PARG: variants seen among roughly 807,000 people sequenced by gnomAD.
PARG encodes the protein mitochondrial poly(ADP-ribose) glycohydrolase.
PARG carries 35 observed loss-of-function variants against 113.0 expected under a neutral mutation model. The observed-to-expected ratio is 0.31, with a 90% CI of 0.24 to 0.41. The LOEUF (loss-of-function observed/expected upper bound fraction) is 0.41, where lower values mean the gene tolerates loss of function less well. Among genes scored for constraint, PARG ranks in the 10% least tolerant of loss-of-function variants. The pLI, the probability that PARG is intolerant of heterozygous loss-of-function variation, is 1.00. For synonymous variants in PARG, 330 were observed against 409.9 expected (o/e 0.81, Z 2.36); for missense variants, 797 against 1,169.4 (o/e 0.68, Z 4.64).
rs1379632694 is a variant in PARG at position 49,915,386 on chromosome 10, A to G, written c.1737+531T>C. 3.9e-5 allele frequency among the ~76,000 whole-genome samples: 6 copies of G among 152,238 alleles called. No individual in the cohort carries two copies. In the East Asian group the frequency reaches 1.2e-3, roughly 29 times the overall value. ...CTCTGCTAATGGTACTATGAAAGTG[A>G]TATTCTTATCCACTACTGGCAGCAT... On this transcript the variant is annotated intron_variant, in intron 7 of 17. Transcript: ENST00000616448.
In PARG at chr10:49,819,256, TAAGTC is replaced by T; in HGVS notation, c.*79_*83del. On this transcript the variant is annotated 3_prime_UTR_variant, in exon 18 of 18. Coordinates refer to ENST00000616448, the MANE Select transcript of PARG (RefSeq NM_003631.5). Reference sequence around the variant, plus strand: ...GATTATGTACACATTTATATTAACTTAAGTCAATTCATATATTACACCTGACAGCT... The same window carrying T: ...GATTATGTACACATTTATATTAACTTAATTCATATATTACACCTGACAGCT... 1 of 1,091,270 alleles carries T rather than the reference TAAGTC, an allele frequency of 9.2e-7. No homozygotes were observed. 67.6% of individuals were successfully genotyped at this position (1,091,270 alleles called of 1,614,324 possible).
chr10:49,919,896 C>A (rs1554848703), intron 6 of PARG, among the ~76,000 whole-genome samples: 2 of 152,134 alleles, frequency 1.3e-5, no homozygotes, highest in Non-Finnish European at 2.9e-5. Flanking sequence ...CAACATCCAT[C>A]AACTGTTCAT....
At position 49,828,092 on chromosome 10, in the gene PARG, C is replaced by CAAAAAAAAAAAAAAAAAAAAAAAAA. The variant is rs71026274; in HGVS notation, c.2647+4686_2647+4710dup. Among the ~76,000 whole-genome samples, 3 of 50,410 alleles carry CAAAAAAAAAAAAAAAAAAAAAAAAA rather than the reference C, an allele frequency of 6.0e-5. 1 individual carries two copies. The highest frequency in any genetic ancestry group is 7.9e-5 in the African/African-American group (1 of 12,584). The allele number at this position is 50,410 out of a possible 152,430, so 33.1% of individuals were successfully genotyped here. Reference sequence around the variant, plus strand: ...TGAGACGAGATGTAGAAAGCTTAAACAAAAAAAAAAAAAAAAAAAAAAAAA... The same window carrying CAAAAAAAAAAAAAAAAAAAAAAAAA: ...TGAGACGAGATGTAGAAAGCTTAAACAAAAAAAAAAAAAAAAAAAAAAAAAAAAAAAAAAAAAAAAAAAAAAAAAA... On this transcript the variant is annotated intron_variant, in intron 16 of 17. Coordinates refer to ENST00000616448, the MANE Select transcript of PARG (RefSeq NM_003631.5).
At chr10:49,899,880 A>C (rs1427108189) in intron 7 of PARG, among the ~76,000 whole-genome samples, 1 of 152,218 alleles carries the variant, frequency 6.6e-6, no homozygotes, top group African/African-American at 2.4e-5. Flanking sequence ...AATACTGATA[A>C]AAATCACAGC....
At chr10:49,891,623 A>ATTTTTTTTTTTT (rs1160158066) in intron 7 of PARG, among the ~76,000 whole-genome samples, 1 of 47,438 alleles carries the variant, frequency 2.1e-5, no homozygotes, top group Non-Finnish European at 3.6e-5. Context: ...ATATATATAT[A>ATTTTTTTTTTTT]TTTTTTTTTT....
At chr10:49,907,685 G>A (rs569927396) in intron 7 of PARG, among the ~76,000 whole-genome samples, 29 of 152,252 alleles carry the variant, frequency 1.9e-4, no homozygotes, top group Admixed American at 8.5e-4. Flanking sequence ...ATTTTTATGA[G>A]TAGGAACATA....
chr10:49,896,399 C>T (rs1459332081), intron 7 of PARG, among the ~76,000 whole-genome samples: 1 of 152,180 alleles, frequency 6.6e-6, no homozygotes, highest in Non-Finnish European at 1.5e-5. Flanking sequence ...ATTCTCCTGC[C>T]TCAGCCTCCC....
At chr10:49,838,014 C>A (rs1845028377) in intron 15 of PARG, among the ~76,000 whole-genome samples, 1 of 152,156 alleles carries the variant, frequency 6.6e-6, no homozygotes, top group South Asian at 2.1e-4. Flanking sequence ...GTGATTCAGG[C>A]ATAAGCATGT....
chr10:49,830,006 C>A (rs912906304), intron 16 of PARG, among the ~76,000 whole-genome samples: 1 of 151,770 alleles, frequency 6.6e-6, no homozygotes, highest in African/African-American at 2.4e-5. Flanking sequence ...AATATTTATG[C>A]TAATGAAGGG....
chr10:49,865,727 TG>T (rs1342829974), intron 10 of PARG, among the ~76,000 whole-genome samples: 3 of 150,418 alleles, frequency 2.0e-5, no homozygotes, highest in East Asian at 3.9e-4. Flanking sequence ...AAAAAAGCAT[TG>T]AAAAAAAGGA....
intron 7 of PARG, among the ~76,000 whole-genome samples, chr10:49,910,601 A>G (rs1440003956): frequency 1.7e-3 from 251 of 151,376 alleles, no homozygotes; most frequent in East Asian, 5.5e-3. Flanking sequence ...AAAGGCTTAT[A>G]CATTTCTATC....
At chr10:49,828,093 A>G (rs1564594633) in intron 16 of PARG, among the ~76,000 whole-genome samples, 1 of 21,300 alleles carries the variant, frequency 4.7e-5, no homozygotes, top group Admixed American at 6.4e-4. Flanking sequence ...AAGCTTAAAC[A>G]AAAAAAAAAA....
In PARG at chr10:49,941,762, G is replaced by A; in HGVS notation, c.-37C>T. Reference sequence around the variant, plus strand: ...CAGCGCACTGTCCCCGGGCCGGCCCGGGCGGAGAGCCTCATTCACTAACCC... The same window carrying A: ...CAGCGCACTGTCCCCGGGCCGGCCCAGGCGGAGAGCCTCATTCACTAACCC... On this transcript the variant is annotated 5_prime_UTR_variant, in exon 1 of 18. Transcript: ENST00000616448. The A allele has an allele frequency of 2.6e-6, 4 of 1,543,568 alleles. No individual in the cohort carries two copies. The highest frequency in any genetic ancestry group is 1.2e-5 in the South Asian group (1 of 84,032).
At chr10:49,912,406 T>C (rs1304682932) in intron 7 of PARG, among the ~76,000 whole-genome samples, 17 of 152,208 alleles carry the variant, frequency 1.1e-4, no homozygotes, top group African/African-American at 4.1e-4. Flanking sequence ...GGCTCATGCC[T>C]GTAATCCCAG....
At chr10:49,843,459 C>A (rs1420933311) in intron 14 of PARG, 95 bp downstream of exon 14, 2 of 761,890 alleles carry the variant, frequency 2.6e-6, no homozygotes, top group Non-Finnish European at 4.6e-6. Context: ...AGTTCACTTG[C>A]TGAAATACAA....
intron 7 of PARG, among the ~76,000 whole-genome samples, chr10:49,891,605 ATATATATATATATATATATTTTTT>A (rs1564635849): frequency 5.1e-5 from 2 of 39,116 alleles, no homozygotes; most frequent in African/African-American, 3.2e-4. Flanking sequence ...ATATATATAT[ATATATATATATATATATATTTTTT>A]TTTTTTTTTT....
chr10:49,906,793 T>C (rs564325718), intron 7 of PARG, among the ~76,000 whole-genome samples: 2 of 152,324 alleles, frequency 1.3e-5, no homozygotes, highest in South Asian at 4.1e-4. Context: ...AGGAGATATT[T>C]ACAGGGAGGA....
At chr10:49,934,292 G>T in intron 2 of PARG, 129 bp from the exon 3 acceptor site, 2 of 617,912 alleles carry the variant, frequency 3.2e-6, no homozygotes. Flanking sequence ...TGTCTTCTAT[G>T]ACTCCATGTC....
At chr10:49,849,442 T>G (rs1252649335) in intron 13 of PARG, among the ~76,000 whole-genome samples, 1 of 150,162 alleles carries the variant, frequency 6.7e-6, no homozygotes, top group African/African-American at 2.4e-5. Context: ...CTTCTGTGCT[T>G]CAAAAGTCAC....
Sources: gnomAD v4.1 joint callset for allele counts (sites outside exome capture counted in the v4.1 genomes callset) on GRCh38, gnomAD v4.1.1 for gene constraint, MANE v1.5 for transcripts, NCBI Gene and HGNC (gene_info 2026-07-23, HGNC 2026-07-21) for gene names.